Variants in RIMS2 observed in about 807,000 individuals in gnomAD.
RIMS2 encodes the protein regulating synaptic membrane exocytosis 2.
RIMS2 carries 59 observed loss-of-function variants against 174.4 expected under a neutral mutation model. That is an observed-to-expected ratio of 0.34 (90% CI 0.27 to 0.42). The LOEUF is 0.42. RIMS2 is among the 10% of genes least tolerant of loss of function. RIMS2 has a pLI of 1.00. For synonymous variants in RIMS2, 606 were observed against 572.5 expected (o/e 1.06, Z -0.84); for missense variants, 1,620 against 1,666.3 (o/e 0.97, Z 0.48).
At chr8:103,820,961 C>G (rs1200262532) in intron 3 of RIMS2, among the ~76,000 whole-genome samples, 2 of 151,108 alleles carry the variant, frequency 1.3e-5, no homozygotes, top group East Asian at 1.9e-4. Flanking sequence ...CTAAAAATTT[C>G]CATGACCTGA....
At chr8:104,032,050 A>C (rs2096405855) in intron 19 of RIMS2, among the ~76,000 whole-genome samples, 1 of 152,080 alleles carries the variant, frequency 6.6e-6, no homozygotes. Flanking sequence ...ATGGTCATCC[A>C]CTTTACATAT....
chr8:103,837,771 T>G lies in RIMS2; in HGVS notation c.699-47527T>G, dbSNP rs554007391. On this transcript the variant is annotated intron_variant, in intron 3 of 23. Transcript: ENST00000504942. Reference sequence around the variant, plus strand: ...TAATCCAGTCTATCATTGTTGGACATTTGGGTTGGTTCCAAGTCTTTGCTA... The same window carrying G: ...TAATCCAGTCTATCATTGTTGGACAGTTGGGTTGGTTCCAAGTCTTTGCTA... 2.8e-3 allele frequency among the ~76,000 whole-genome samples: 419 copies of G among 152,232 alleles called. 1 individual carries two copies. The highest frequency in any genetic ancestry group is 4.3e-3 in the Non-Finnish European group (289 of 68,000).
chr8:103,710,007 G>A (rs2097284436), intron 2 of RIMS2, among the ~76,000 whole-genome samples: 1 of 152,144 alleles, frequency 6.6e-6, no homozygotes, highest in South Asian at 2.1e-4. Flanking sequence ...GACTTGTCAT[G>A]TATAAAACTT....
At chr8:103,620,144 A>G (rs985683883) in intron 1 of RIMS2, among the ~76,000 whole-genome samples, 1 of 152,168 alleles carries the variant, frequency 6.6e-6, no homozygotes, top group Non-Finnish European at 1.5e-5. Flanking sequence ...TTGTCAATGA[A>G]TGCTGAAATA....
At chr8:103,895,944 A>C (rs2099275113) in intron 4 of RIMS2, among the ~76,000 whole-genome samples, 1 of 151,494 alleles carries the variant, frequency 6.6e-6, no homozygotes. Flanking sequence ...CCTCCACCTT[A>C]TGCCATTTAA....
intron 1 of RIMS2, among the ~76,000 whole-genome samples, chr8:103,563,988 C>CCCT (rs1411152141): frequency 6.6e-6 from 1 of 152,146 alleles, no homozygotes; most frequent in Non-Finnish European, 1.5e-5. Context: ...TTTCACTGGT[C>CCCT]CCTCCCACAA....
chr8:103,652,788 T>C, intron 1 of RIMS2, 78 bp downstream of exon 3: 2 of 874,056 alleles, frequency 2.3e-6, no homozygotes, highest in Non-Finnish European at 3.3e-6. Flanking sequence ...TAAAATACTG[T>C]CCTTGAAATA....
chr8:104,118,414 T>C (rs1361085766), intron 19 of RIMS2, among the ~76,000 whole-genome samples: 2 of 150,322 alleles, frequency 1.3e-5, no homozygotes, highest in African/African-American at 4.9e-5. Flanking sequence ...TCGCCCAGGC[T>C]GGAGTGTAGT....
intron 9 of RIMS2, among the ~76,000 whole-genome samples, chr8:103,919,220 G>T (rs2077149763): frequency 1.3e-5 from 2 of 152,138 alleles, no homozygotes. Context: ...GAGAAGGAAG[G>T]ATTGAAGGAA....
chr8:103,998,798 A>G (rs550371514), intron 17 of RIMS2, among the ~76,000 whole-genome samples: 2 of 151,826 alleles, frequency 1.3e-5, no homozygotes, highest in East Asian at 3.9e-4. Context: ...ACACTTGTTC[A>G]TTTCTACCCT....
intron 14 of RIMS2, among the ~76,000 whole-genome samples, chr8:103,956,715 C>A (rs2154544573): frequency 6.6e-6 from 1 of 152,196 alleles, no homozygotes. Context: ...ACTAAAACAC[C>A]AAAAGCAATG....
chr8:104,015,729 T>G (rs772090565), intron 19 of RIMS2, among the ~76,000 whole-genome samples: 47 of 152,120 alleles, frequency 3.1e-4, no homozygotes, highest in Non-Finnish European at 6.3e-4. Context: ...CATAAAATTT[T>G]TATGTACCTT....
At chr8:103,780,188 C>T (rs1308855170) in intron 3 of RIMS2, among the ~76,000 whole-genome samples, 2 of 152,018 alleles carry the variant, frequency 1.3e-5, no homozygotes, top group Non-Finnish European at 2.9e-5. Flanking sequence ...TTATCCTTTA[C>T]CTTTGAGGAT....
Position 103,718,565 on chromosome 8 carries a change from A to G in RIMS2, c.387+21269A>G, listed in dbSNP as rs140817376. 1.7e-4 allele frequency among the ~76,000 whole-genome samples: 26 copies of G among 152,230 alleles called. 1 individual carries two copies. In the East Asian group the frequency reaches 5.0e-3, roughly 29 times the overall value. On this transcript the variant is annotated intron_variant, in intron 2 of 23. Transcript: ENST00000504942. Reference sequence around the variant, plus strand: ...AACTTTGGGATTACCTCCTTTATGGAGGAGGTGAATGTATTACATGTAAAA... The same window carrying G: ...AACTTTGGGATTACCTCCTTTATGGGGGAGGTGAATGTATTACATGTAAAA...
At chr8:104,105,857 T>G (rs1301436097) in intron 19 of RIMS2, among the ~76,000 whole-genome samples, 1 of 151,022 alleles carries the variant, frequency 6.6e-6, no homozygotes, top group Non-Finnish European at 1.5e-5. Context: ...GCTAACATGG[T>G]GAAACCCCAT....
chr8:103,971,098 A>C (rs2092819205), intron 15 of RIMS2, among the ~76,000 whole-genome samples: 1 of 152,204 alleles, frequency 6.6e-6, no homozygotes, highest in Non-Finnish European at 1.5e-5. Context: ...GCACTTCACA[A>C]CTTGAATAAA....
In RIMS2 at chr8:103,639,064, T is replaced by C. The variant is rs140757435; in HGVS notation, c.177-58022T>C. 3.7e-3 allele frequency among the ~76,000 whole-genome samples: 557 copies of C among 152,126 alleles called. 8 individuals carry two copies. Among genetic ancestry groups the C allele is most frequent in the African/African-American group, 0.013 (529 of 41,552 alleles). Reference sequence around the variant, plus strand: ...GTTACTTGCTCATGTTCAACCCCAGTATAAATGTAGAATAGTTTCACAAAT... The same window carrying C: ...GTTACTTGCTCATGTTCAACCCCAGCATAAATGTAGAATAGTTTCACAAAT... On this transcript the variant is annotated intron_variant, in intron 1 of 23. Coordinates refer to ENST00000504942, the Ensembl canonical transcript of RIMS2.
chr8:103,541,520 T>C (rs1271573595), intron 1 of RIMS2, among the ~76,000 whole-genome samples: 1 of 152,056 alleles, frequency 6.6e-6, no homozygotes, highest in Non-Finnish European at 1.5e-5. Flanking sequence ...AAAGAAATGC[T>C]AAGGAGAGTT....
chr8:104,150,860 G>C lies in RIMS2; in HGVS notation c.3335-94056G>C, dbSNP rs191552673. On this transcript the variant is annotated intron_variant, in intron 19 of 23. Coordinates refer to ENST00000504942, the Ensembl canonical transcript of RIMS2. ...TATGTATAGTTTTTAGGCCATTCAG[G>C]CTGCCATTTGTTTATGTAACAAATA... 4.6e-5 allele frequency among the ~76,000 whole-genome samples: 7 copies of C among 152,238 alleles called. No homozygotes were observed. In the East Asian group the frequency reaches 5.8e-4, roughly 13 times the overall value.
Sources: gnomAD v4.1 joint callset for allele counts (sites outside exome capture counted in the v4.1 genomes callset) on GRCh38, gnomAD v4.1.1 for gene constraint, MANE v1.5 for transcripts, NCBI Gene and HGNC (gene_info 2026-07-23, HGNC 2026-07-21) for gene names.